The following HP1BP3 variants were observed in gnomAD, a reference collection of about 807,000 sequenced individuals.
The protein encoded by HP1BP3 is heterochromatin protein 1-binding protein 3.
In HP1BP3, 12 loss-of-function variants were observed where a neutral mutation model predicts 62.5. The ratio of observed to expected loss-of-function variants is 0.19; its 90% CI spans 0.12 to 0.31. The LOEUF (loss-of-function observed/expected upper bound fraction) is 0.31, where lower values mean the gene tolerates loss of function less well. HP1BP3 is among the 10% of genes least tolerant of loss of function. The pLI is 1.00. For synonymous variants in HP1BP3, 260 were observed against 237.8 expected (o/e 1.09, Z -0.86); for missense variants, 502 against 651.8 (o/e 0.77, Z 2.50).
Position 20,745,743 on chromosome 1 carries a change from T to C in HP1BP3, c.1254-87A>G. 2.3e-6 allele frequency: 3 copies of C among 1,285,850 alleles called. No homozygotes were observed. In the South Asian group the frequency reaches 4.1e-5, roughly 18 times the overall value. The allele number at this position is 1,285,850 out of a possible 1,614,324, so 79.7% of individuals were successfully genotyped here. ...ACCTAGATGCTCTTACCTGGACATA[T>C]CCCACTTCTTCCCACCCTTCCCAAA... On this transcript the variant is annotated intron_variant, in intron 11 of 12. Transcript: ENST00000438032.
At chr1:20,750,322 AACACACACACACACAC>A (rs67464129) in intron 9 of HP1BP3, 19,925 of 138,736 alleles carry the variant, frequency 0.14, 2,139 homozygotes, top group East Asian at 0.55. Context: ...CTCTACTAAA[AACACACACACACACAC>A]ACACACACAC....
chr1:20,755,673 C>A (rs1296969041), intron 9 of HP1BP3, among the ~76,000 whole-genome samples: 4 of 152,116 alleles, frequency 2.6e-5, no homozygotes, highest in African/African-American at 7.2e-5. Context: ...CATATCCACG[C>A]AGACTTGAAC....
chr1:20,773,958 A>T (rs192193561), intron 4 of HP1BP3: 1 of 161,320 alleles, frequency 6.2e-6, no homozygotes, highest in African/African-American at 2.4e-5. Context: ...TCAAGCTCTT[A>T]AAGTCAGAAA....
At chr1:20,753,188 A>G (rs2055884671) in intron 9 of HP1BP3, among the ~76,000 whole-genome samples, 1 of 152,162 alleles carries the variant, frequency 6.6e-6, no homozygotes, top group South Asian at 2.1e-4. Context: ...TGATTCGCCC[A>G]CCTCGGCCTC....
At chr1:20,765,273 T>C in intron 8 of HP1BP3, 104 bp downstream of exon 8, 1 of 704,694 alleles carries the variant, frequency 1.4e-6, no homozygotes. Flanking sequence ...TATTTTTAGC[T>C]GAAAGTAATC....
At chr1:20,782,977 T>G (rs1003884039) in intron 1 of HP1BP3, among the ~76,000 whole-genome samples, 3 of 150,796 alleles carry the variant, frequency 2.0e-5, no homozygotes, top group African/African-American at 7.3e-5. Flanking sequence ...CTGGTCACTG[T>G]GGCACATGCC....
intron 6 of HP1BP3, among the ~76,000 whole-genome samples, chr1:20,770,715 G>C (rs2057019804): frequency 6.6e-6 from 1 of 152,136 alleles, no homozygotes; most frequent in South Asian, 2.1e-4. Flanking sequence ...ATCCAATTAA[G>C]AGCAAAGTAA....
chr1:20,766,895 A>G (rs1281158460), intron 7 of HP1BP3, among the ~76,000 whole-genome samples: 1 of 152,188 alleles, frequency 6.6e-6, no homozygotes, highest in Non-Finnish European at 1.5e-5. Flanking sequence ...GTGAGCCAAG[A>G]TCGTGCCACT....
chr1:20,742,977 AAAATGTC>A lies in HP1BP3; in HGVS notation c.*1813_*1819del, dbSNP rs768334550. 1 of 152,646 alleles carries A rather than the reference AAAATGTC, an allele frequency of 6.6e-6. No individual in the cohort carries two copies. The highest frequency in any genetic ancestry group is 1.5e-5 in the Non-Finnish European group (1 of 68,046). 9.5% of individuals were successfully genotyped at this position (152,646 alleles called of 1,614,324 possible). A position where few individuals can be genotyped will look rare whatever the true frequency, so the allele number is the denominator to read the frequency against. ...GTACTTCAAAAACTTTAAGACAATTAAAATGTCAAGTGCCACAGGGAAGAGAAATGAT... is the reference window on the plus strand; with the variant it reads ...GTACTTCAAAAACTTTAAGACAATTAAAGTGCCACAGGGAAGAGAAATGAT... On this transcript the variant is annotated 3_prime_UTR_variant, in exon 13 of 13. Coordinates refer to ENST00000438032, the MANE Select transcript of HP1BP3 (RefSeq NM_001372052.1).
intron 4 of HP1BP3, 44 bp from the exon 5 acceptor site, chr1:20,773,654 A>G (rs2057161713): frequency 7.6e-7 from 1 of 1,314,448 alleles, no homozygotes; most frequent in African/African-American, 1.5e-5. Context: ...AGCTCTCTAG[A>G]AAGACGTATA....
intron 8 of HP1BP3, among the ~76,000 whole-genome samples, chr1:20,764,877 A>G (rs1321956360): frequency 6.7e-6 from 1 of 148,664 alleles, no homozygotes; most frequent in Non-Finnish European, 1.5e-5. Context: ...CTTCATCTCA[A>G]AAAAAAAAAG....
rs764800380 is a variant in HP1BP3, at chr1:20,781,808, T to G, written c.-100-1268A>C. Among the ~76,000 whole-genome samples, 4 of 152,086 alleles carry G rather than the reference T, an allele frequency of 2.6e-5. No individual in the cohort carries two copies. In the South Asian group the frequency reaches 8.3e-4, roughly 32 times the overall value. ...TGCCCAGCTAATTTTGTATTTTTAG[T>G]AGAGATGGGGTTTCACCATGTTGGT... On this transcript the variant is annotated intron_variant, in intron 1 of 12. Transcript: ENST00000438032.
chr1:20,761,096 G>A (rs1335758380), intron 8 of HP1BP3, among the ~76,000 whole-genome samples: 1 of 152,128 alleles, frequency 6.6e-6, no homozygotes, highest in Non-Finnish European at 1.5e-5. Context: ...CCAGGCTGGA[G>A]TGCAGTGGTG....
intron 5 of HP1BP3, 105 bp from the exon 6 acceptor site, chr1:20,771,178 A>T: frequency 1.1e-6 from 1 of 897,290 alleles, no homozygotes; most frequent in Non-Finnish European, 1.7e-6. Context: ...TAGATGACAA[A>T]AACGGTAGGG....
intron 6 of HP1BP3, among the ~76,000 whole-genome samples, 189 bp from the exon 7 acceptor site, chr1:20,767,853 C>T (rs1252025445): frequency 1.3e-5 from 2 of 151,830 alleles, no homozygotes; most frequent in Non-Finnish European, 2.9e-5. Flanking sequence ...CTAGCTGATG[C>T]TGAGTAATAC....
chr1:20,747,140 A>G (rs1463523925), intron 11 of HP1BP3, among the ~76,000 whole-genome samples: 2 of 152,184 alleles, frequency 1.3e-5, no homozygotes, highest in African/African-American at 4.8e-5. Flanking sequence ...CCTGGCTAAA[A>G]TCACTATTTT....
intron 1 of HP1BP3, among the ~76,000 whole-genome samples, chr1:20,786,985 C>T (rs982697035): frequency 6.6e-6 from 1 of 152,006 alleles, no homozygotes; most frequent in East Asian, 1.9e-4. Flanking sequence ...ACCAAAAGGG[C>T]AGGGGGCTAG....
intron 9 of HP1BP3, among the ~76,000 whole-genome samples, chr1:20,756,140 T>C (rs1186668279): frequency 6.6e-6 from 1 of 152,194 alleles, no homozygotes; most frequent in Non-Finnish European, 1.5e-5. Context: ...TTAAATTGTA[T>C]AAGGTATGCA....
intron 9 of HP1BP3, among the ~76,000 whole-genome samples, chr1:20,750,981 C>T (rs2055709416): frequency 1.3e-5 from 2 of 151,716 alleles, no homozygotes; most frequent in African/African-American, 4.8e-5. Flanking sequence ...CCAGGTCTCG[C>T]TAATTTTTTA....
Sources: gnomAD v4.1 joint callset for allele counts (sites outside exome capture counted in the v4.1 genomes callset) on GRCh38, gnomAD v4.1.1 for gene constraint, MANE v1.5 for transcripts, NCBI Gene and HGNC (gene_info 2026-07-23, HGNC 2026-07-21) for gene names.